SRRM2: variants seen among roughly 807,000 people sequenced by gnomAD.
SRRM2 encodes the protein serine/arginine repetitive matrix protein 2.
Under a neutral mutation model 213.8 loss-of-function variants are expected in SRRM2, and 30 were observed. The ratio of observed to expected loss-of-function variants is 0.14; its 90% CI spans 0.10 to 0.19. The LOEUF (loss-of-function observed/expected upper bound fraction) is 0.19, where lower values mean the gene tolerates loss of function less well. Ranked by LOEUF, SRRM2 falls within the 10% of genes least tolerant of loss-of-function variation. The pLI, the probability that SRRM2 is intolerant of heterozygous loss-of-function variation, is 1.00. For missense variants in SRRM2, 4,904 were observed against 3,647.0 expected, an observed-to-expected ratio of 1.34 and a Z score of -8.88; for synonymous variants, 2,025 against 1,377.7, an observed-to-expected ratio of 1.47 and a Z score of -10.40.
chr16:2,768,877 G>C, intron 11 of SRRM2, 120 bp from the exon 12 acceptor site: 2 of 1,546,336 alleles, frequency 1.3e-6, no homozygotes, highest in Non-Finnish European at 1.7e-6. Context: ...CACGTGGCTC[G>C]GAGAGCTCCC....
intron 13 of SRRM2, 41 bp downstream of exon 13, chr16:2,770,506 C>T (rs780618583): frequency 3.0e-5 from 47 of 1,576,054 alleles, no homozygotes; most frequent in Middle Eastern, 1.7e-4. Context: ...CCTGTCTGGC[C>T]GCCACTGCTT....
chr16:2,757,256 G>T (rs930964480), intron 2 of SRRM2, among the ~76,000 whole-genome samples: 19 of 152,118 alleles, frequency 1.2e-4, no homozygotes, highest in African/African-American at 4.3e-4. Context: ...GGTCCCTGAG[G>T]TGTAGCATAT....
chr16:2,766,601 G>C lies in SRRM2; in HGVS notation c.6073G>C (p.Ala2025Pro), dbSNP rs771371151. The change falls in exon 11 of 15, where the codon GCT becomes CCT. Residue 2025 changes from alanine (A) to proline (P), a missense_variant. Ala to Pro is a conservative substitution (Grantham distance 27). Coordinates refer to ENST00000301740, the MANE Select transcript of SRRM2 (RefSeq NM_016333.4). This position sits in a 1 kb window ranked among gnomAD's most constrained non-coding sequence, Gnocchi z 7.0. Reference sequence around the variant, plus strand: ...CCGCTCTAGGTCCCGGACACCTCCAGCTATTCGGCGCCGCTCTAGATCTCG... The same window carrying C: ...CCGCTCTAGGTCCCGGACACCTCCACCTATTCGGCGCCGCTCTAGATCTCG... ...RRRSRSRTPP[A>P]IRRRSRSRTP... 3.1e-6 allele frequency: 5 copies of C among 1,613,648 alleles called. No individual in the cohort carries two copies. The highest frequency in any genetic ancestry group is 4.2e-6 in the Non-Finnish European group (5 of 1,179,848).
Position 2,767,582 on chromosome 16 carries a change from A to G in SRRM2, c.7054A>G (p.Ile2352Val), listed in dbSNP as rs2068586890. ...TGCACATGCCACAGCTCCTGTGAATATTGCCGGCTCCAGAACCGCCGCAGC... is the reference window on the plus strand; with the variant it reads ...TGCACATGCCACAGCTCCTGTGAATGTTGCCGGCTCCAGAACCGCCGCAGC... ...RSAHATAPVN[I>V]AGSRTAAALA... Residue 2352 changes from isoleucine (I) to valine (V), a missense_variant, in exon 11 of 15, where the codon ATT (isoleucine) becomes GTT (valine). Physicochemically the swap from Ile to Val is conservative, Grantham distance 29. Transcript: ENST00000301740. The G allele has an allele frequency of 6.2e-7, 1 of 1,613,910 alleles. No homozygotes were observed. The highest frequency in any genetic ancestry group is 8.5e-7 in the Non-Finnish European group (1 of 1,180,000).
rs1491231027 is a variant in SRRM2, at chr16:2,759,852, TTG to T, written c.833+193_833+194del. The T allele has an allele frequency of 2.4e-5, 14 of 582,572 alleles. No individual in the cohort carries two copies. In the African/African-American group the frequency reaches 2.6e-4, roughly 11 times the overall value. The allele number at this position is 582,572 out of a possible 1,614,324, so 36.1% of individuals were successfully genotyped here. A position where few individuals can be genotyped will look rare whatever the true frequency, so the allele number is the denominator to read the frequency against. On this transcript the variant is annotated intron_variant, in intron 9 of 14. Transcript: ENST00000301740. The stretch of plus-strand genomic sequence containing the variant: ...TACATTTCCCCTTCTCTTTTTTTTT[TTG>T]TTTTTGTTTATTTGTTATTTTTGTT...
chr16:2,766,493 G>A lies in SRRM2; in HGVS notation c.5965G>A (p.Val1989Ile), dbSNP rs1325592530. The change falls in exon 11 of 15, where the codon GTC (valine) becomes ATC (isoleucine). Residue 1989 changes from valine (V) to isoleucine (I), a missense_variant. Coordinates refer to ENST00000301740, the MANE Select transcript of SRRM2 (RefSeq NM_016333.4). This position sits in a 1 kb window ranked among gnomAD's most constrained non-coding sequence, Gnocchi z 7.0. ...AAGATCAAGATCCAGAACATCTCCGGTCACCCGAAGGAGATCTCGATCTCG... is the reference window on the plus strand; with the variant it reads ...AAGATCAAGATCCAGAACATCTCCGATCACCCGAAGGAGATCTCGATCTCG... ...RRRSRSRTSPVTRRRSRSRTS... is the reference protein window; with the variant it reads ...RRRSRSRTSPITRRRSRSRTS... 1.9e-6 allele frequency: 3 copies of A among 1,613,896 alleles called. No individual in the cohort carries two copies. The East Asian group carries it at 6.7e-5, about 36-fold the overall frequency.
At position 2,765,782 on chromosome 16, in the gene SRRM2, C is replaced by T. The variant is rs375479934; in HGVS notation, c.5254C>T (p.Arg1752Cys). Residue 1752 changes from arginine (R) to cysteine (C), a missense_variant, in exon 11 of 15, where the codon CGC (arginine) becomes TGC (cysteine). Arg to Cys is a radical substitution (Grantham distance 180, BLOSUM62 -3). Coordinates refer to ENST00000301740, the MANE Select transcript of SRRM2 (RefSeq NM_016333.4). ...SRRRRSASSP[R>C]TKTTSRRGRS... Reference sequence around the variant, plus strand: ...CCGACGGCGCTCAGCTTCATCTCCACGCACTAAGACAACCTCAAGGAGAGG... The same window carrying T: ...CCGACGGCGCTCAGCTTCATCTCCATGCACTAAGACAACCTCAAGGAGAGG... 9.3e-6 allele frequency: 15 copies of T among 1,614,110 alleles called. No individual in the cohort carries two copies. The highest frequency in any genetic ancestry group is 1.6e-4 in the Middle Eastern group (1 of 6,062).
Position 2,766,576 on chromosome 16 carries a change from C to T in SRRM2, c.6048C>T (p.Arg2016=), listed in dbSNP as rs557333774. 32 of 1,614,102 alleles carry T rather than the reference C, an allele frequency of 2.0e-5. No homozygotes were observed. The South Asian group carries it at 3.3e-4, about 17-fold the overall frequency. ...SRSRTSPVTR[R]RSRSRTPPAI... ...CTCGAACCTCACCAGTGACACGCCG[C>T]CGCTCTAGGTCCCGGACACCTCCAG... The change falls in exon 11 of 15, where the codon CGC becomes CGT. Residue 2016 remains arginine, a synonymous_variant. Transcript: ENST00000301740. This position sits in a 1 kb window ranked among gnomAD's most constrained non-coding sequence, Gnocchi z 7.0.
Position 2,765,863 on chromosome 16 carries a change from A to G in SRRM2, c.5335A>G (p.Arg1779Gly). The change falls in exon 11 of 15, where the codon AGA (arginine) becomes GGA (glycine). Residue 1779 changes from arginine (R) to glycine (G), a missense_variant. Physicochemically the swap from Arg to Gly is moderately radical, Grantham distance 125. Coordinates refer to ENST00000301740, the MANE Select transcript of SRRM2 (RefSeq NM_016333.4). ...GLQRSRSRSR[R>G]EKTRTTRRRD... ...CCAGAGGTCCCGTTCCCGCTCAAGG[A>G]GAGAGAAAACAAGAACAACCCGACG... is the stretch of plus-strand genomic sequence containing the variant. 6.2e-7 allele frequency: 1 copy of G among 1,614,076 alleles called. No individual in the cohort carries two copies. Among genetic ancestry groups the G allele is most frequent in the Non-Finnish European group, 8.5e-7 (1 of 1,180,002 alleles).
Position 2,771,171 on chromosome 16 carries a change from A to G in SRRM2, c.*304A>G, listed in dbSNP as rs2068735408. 1 of 623,076 alleles carries G rather than the reference A, an allele frequency of 1.6e-6. No homozygotes were observed. The highest frequency in any genetic ancestry group is 2.9e-5 in the Admixed American group (1 of 34,882). The allele number at this position is 623,076 out of a possible 1,614,324, so 38.6% of individuals were successfully genotyped here. On this transcript the variant is annotated 3_prime_UTR_variant, in exon 15 of 15. Transcript: ENST00000301740. ...AGCCTGGAGTCAGGGCCAGGGAGGC[A>G]TGGCCCCACTTGTATCCAGAAGTTC...
rs1289225847 is a variant in SRRM2, at chr16:2,767,329, C to T, written c.6801C>T (p.Ala2267=). The T allele has an allele frequency of 1.1e-5, 18 of 1,613,796 alleles. No homozygotes were observed. Among genetic ancestry groups the T allele is most frequent in the Admixed American group, 1.7e-5 (1 of 60,006 alleles). The part of the protein sequence containing the change: ...ADSRTPAAAA[A]MNLASPRTAV... Reference sequence around the variant, plus strand: ...CTCGAACGCCAGCTGCAGCAGCGGCCATGAACTTGGCCAGCCCCAGAACAG... The same window carrying T: ...CTCGAACGCCAGCTGCAGCAGCGGCTATGAACTTGGCCAGCCCCAGAACAG... Residue 2267 remains alanine, a synonymous_variant, in exon 11 of 15, where the codon GCC becomes GCT. Coordinates refer to ENST00000301740, the MANE Select transcript of SRRM2 (RefSeq NM_016333.4).
Position 2,763,187 on chromosome 16 carries a change from T to G in SRRM2, c.2659T>G (p.Ser887Ala), listed in dbSNP as rs752461127. The change falls in exon 11 of 15, where the codon TCT (serine) becomes GCT (alanine). Residue 887 changes from serine to alanine, a missense_variant. Transcript: ENST00000301740. ...PDPELKSRTP[S>A]RHSCSGSSPP... ...CCCTGAGTTGAAATCTAGGACCCCT[T>G]CTAGACATAGCTGCTCAGGGTCCTC... is the stretch of plus-strand genomic sequence containing the variant. 1.2e-6 allele frequency: 2 copies of G among 1,614,048 alleles called. No homozygotes were observed. The highest frequency in any genetic ancestry group is 2.7e-5 in the African/African-American group (2 of 75,000).
rs757841291 is a variant in SRRM2, at chr16:2,768,052, G to A, written c.7524G>A (p.Glu2508=). ...APGVPHSDVG[E]PPASTGAQQP... ...GGGTGCCCCACTCTGATGTGGGGGAGCCACCTGCCTCTACTGGGGCCCAGC... is the reference window on the plus strand; with the variant it reads ...GGGTGCCCCACTCTGATGTGGGGGAACCACCTGCCTCTACTGGGGCCCAGC... Residue 2508 remains glutamate, a synonymous_variant, in exon 11 of 15, where the codon GAG becomes GAA. Coordinates refer to ENST00000301740, the MANE Select transcript of SRRM2 (RefSeq NM_016333.4). 2 of 1,614,012 alleles carry A rather than the reference G, an allele frequency of 1.2e-6. No individual in the cohort carries two copies. Among genetic ancestry groups the A allele is most frequent in the Admixed American group, 1.7e-5 (1 of 60,018 alleles).
rs755698299 is a variant in SRRM2, at chr16:2,764,150, A to G, written c.3622A>G (p.Thr1208Ala). 2 of 1,613,978 alleles carry G rather than the reference A, an allele frequency of 1.2e-6. No individual in the cohort carries two copies. The highest frequency in any genetic ancestry group is 1.3e-5 in the African/African-American group (1 of 74,882). ...SSLVFKDTLR[T>A]PPRERSGAGS... ...ACTGGTATTCAAAGACACACTTAGA[A>G]CCCCGCCAAGGGAAAGAAGTGGTGC... The change falls in exon 11 of 15, where the codon ACC becomes GCC. Residue 1208 changes from threonine to alanine, a missense_variant. Transcript: ENST00000301740.
intron 4 of SRRM2, 48 bp from the exon 5 acceptor site, chr16:2,758,422 G>A (rs1313662472): frequency 7.0e-7 from 1 of 1,437,276 alleles, no homozygotes; most frequent in Admixed American, 1.7e-5. Context: ...GAAAAGAAAG[G>A]AATGTTTGTT....
In SRRM2 at chr16:2,757,777, C is replaced by G; in HGVS notation, c.351-4C>G. ...CTTCAGACTTTTGCCCTTCTTTTCT[C>G]TAGGGTCACGGAGACTCACCAGTTG... On this transcript the variant is annotated splice_polypyrimidine_tract_variant and splice_region_variant and intron_variant, in intron 3 of 14. Coordinates refer to ENST00000301740, the MANE Select transcript of SRRM2 (RefSeq NM_016333.4). 3 of 1,613,354 alleles carry G rather than the reference C, an allele frequency of 1.9e-6. No individual in the cohort carries two copies. Among genetic ancestry groups the G allele is most frequent in the Non-Finnish European group, 1.7e-6 (2 of 1,179,656 alleles).
Position 2,765,927 on chromosome 16 carries a change from G to C in SRRM2, c.5399G>C (p.Arg1800Pro), listed in dbSNP as rs751403947. 1.2e-6 allele frequency: 2 copies of C among 1,614,174 alleles called. No homozygotes were observed. The highest frequency in any genetic ancestry group is 1.7e-6 in the Non-Finnish European group (2 of 1,180,022). ...GGATCTTCTCAGTCAACCTCTCGGC[G>C]AAGACAGCGGAGCCGGTCAAGGTCG... is the stretch of plus-strand genomic sequence containing the variant. ...RSGSSQSTSR[R>P]RQRSRSRSRV... Residue 1800 changes from arginine to proline, a missense_variant, in exon 11 of 15, where the codon CGA (arginine) becomes CCA (proline). Transcript: ENST00000301740.
chr16:2,766,342 A>G lies in SRRM2; in HGVS notation c.5814A>G (p.Arg1938=), dbSNP rs1029503983. The change falls in exon 11 of 15, where the codon AGA becomes AGG. Residue 1938 remains arginine, a synonymous_variant. Transcript: ENST00000301740. This position sits in a 1 kb window ranked among gnomAD's most constrained non-coding sequence, Gnocchi z 7.0. ...PPVTRRRSRS[R]TPTTRRRSRS... Reference sequence around the variant, plus strand: ...TAACCCGCCGTCGTTCAAGGTCTAGAACGCCAACAACACGCCGCCGCTCCC... The same window carrying G: ...TAACCCGCCGTCGTTCAAGGTCTAGGACGCCAACAACACGCCGCCGCTCCC... The G allele has an allele frequency of 5.0e-6, 8 of 1,613,978 alleles. No homozygotes were observed. Among genetic ancestry groups the G allele is most frequent in the Non-Finnish European group, 5.9e-6 (7 of 1,179,988 alleles).
intron 1 of SRRM2, among the ~76,000 whole-genome samples, chr16:2,755,107 T>C (rs1021666935): frequency 2.6e-5 from 4 of 152,226 alleles, no homozygotes; most frequent in Non-Finnish European, 5.9e-5. Flanking sequence ...CATATATGCA[T>C]GTTCTAGGAA....
Sources: gnomAD v4.1 joint callset for allele counts (sites outside exome capture counted in the v4.1 genomes callset) on GRCh38, gnomAD v4.1.1 for gene constraint, Gnocchi (gnomAD v3.1) non-coding constraint, MANE v1.5 for transcripts, NCBI Gene and HGNC (gene_info 2026-07-23, HGNC 2026-07-21) for gene names.